Variants in GPR39 observed in about 807,000 individuals in gnomAD.
GPR39 encodes the protein zinc sensing receptor.
A neutral mutation model predicts 18.4 loss-of-function variants in GPR39; 23 were observed. The ratio of observed to expected loss-of-function variants is 1.25; its 90% CI spans 0.90 to 1.77. The LOEUF is 1.77. GPR39 is among the 40% of genes most tolerant of loss of function. GPR39 has a pLI of 0.00. For synonymous variants in GPR39, 280 were observed against 257.9 expected (o/e 1.09, Z -0.82); for missense variants, 647 against 602.4 (o/e 1.07, Z -0.78).
intron 1 of GPR39, among the ~76,000 whole-genome samples, chr2:132,429,013 T>C (rs1340651253): frequency 6.6e-6 from 1 of 152,200 alleles, no homozygotes; most frequent in African/African-American, 2.4e-5. Context: ...ATTGGGTCTG[T>C]TGTTCAAAGT....
chr2:132,471,943 A>G (rs1681040731), intron 1 of GPR39, among the ~76,000 whole-genome samples: 1 of 152,192 alleles, frequency 6.6e-6, no homozygotes. Flanking sequence ...TTCAGCAGGG[A>G]TAGACCAATG....
chr2:132,449,301 A>G (rs1573607458), intron 1 of GPR39, among the ~76,000 whole-genome samples: 2 of 152,118 alleles, frequency 1.3e-5, no homozygotes, highest in African/African-American at 4.8e-5. Flanking sequence ...AGGCTGGAGT[A>G]CAATGGCGCG....
chr2:132,445,461 TTTAA>T (rs542032652), intron 1 of GPR39, among the ~76,000 whole-genome samples: 197 of 152,322 alleles, frequency 1.3e-3, no homozygotes, highest in Middle Eastern at 3.4e-3. Flanking sequence ...TAATCAAAAG[TTTAA>T]TTAACACACA....
chr2:132,611,373 A>G (rs771820740), intron 1 of GPR39, among the ~76,000 whole-genome samples: 1 of 152,206 alleles, frequency 6.6e-6, no homozygotes, highest in Non-Finnish European at 1.5e-5. Context: ...AGAGTAACTT[A>G]GGTAAAGCAC....
intron 1 of GPR39, among the ~76,000 whole-genome samples, chr2:132,462,738 G>C (rs1464937516): frequency 6.6e-6 from 1 of 152,020 alleles, no homozygotes; most frequent in African/African-American, 2.4e-5. Flanking sequence ...GATGGCATTA[G>C]ACAAATCACT....
At chr2:132,461,988 A>G (rs1230382247) in intron 1 of GPR39, among the ~76,000 whole-genome samples, 3 of 152,202 alleles carry the variant, frequency 2.0e-5, no homozygotes, top group African/African-American at 4.8e-5. Flanking sequence ...TGAGGCCAAG[A>G]TGCAACGCAG....
In GPR39 at chr2:132,494,195, T is replaced by C. The variant is rs1388739774; in HGVS notation, c.856+76297T>C. Among the ~76,000 whole-genome samples the C allele has an allele frequency of 3.9e-5, 6 of 152,104 alleles. No homozygotes were observed. The East Asian group carries it at 1.2e-3, about 29-fold the overall frequency. Reference sequence around the variant, plus strand: ...TTGCCTTCCCTAAATCAGGGTTTGGTTTCACTGGCTAAACCAGGGGGACCT... The same window carrying C: ...TTGCCTTCCCTAAATCAGGGTTTGGCTTCACTGGCTAAACCAGGGGGACCT... On this transcript the variant is annotated intron_variant, in intron 1 of 1. Transcript: ENST00000329321.
At chr2:132,641,037 A>G (rs568502059) in intron 1 of GPR39, among the ~76,000 whole-genome samples, 5 of 152,278 alleles carry the variant, frequency 3.3e-5, no homozygotes, top group Non-Finnish European at 5.9e-5. Context: ...GAGCAAAACT[A>G]TCTTTCAAAA....
intron 1 of GPR39, among the ~76,000 whole-genome samples, chr2:132,429,274 C>T (rs1043486122): frequency 1.4e-4 from 21 of 152,172 alleles, no homozygotes; most frequent in Non-Finnish European, 2.5e-4. Context: ...CAAAAGAAAA[C>T]GCTCTGTAGT....
chr2:132,628,764 CGTGT>C lies in GPR39; in HGVS notation c.857-16324_857-16321del, dbSNP rs138130883. Reference sequence around the variant, plus strand: ...CCTAATAAAGTAGTACATAGTAATACGTGTGTGTGTGTGTGTTTGTGCAATCAAT... The same window carrying C: ...CCTAATAAAGTAGTACATAGTAATACGTGTGTGTGTGTTTGTGCAATCAAT... On this transcript the variant is annotated intron_variant, in intron 1 of 1. Transcript: ENST00000329321. Among the ~76,000 whole-genome samples the C allele has an allele frequency of 3.3e-5, 5 of 151,368 alleles. No individual in the cohort carries two copies. In the South Asian group the frequency reaches 1.0e-3, roughly 32 times the overall value.
chr2:132,594,106 A>C (rs896568833), intron 1 of GPR39, among the ~76,000 whole-genome samples: 5 of 152,148 alleles, frequency 3.3e-5, no homozygotes, highest in African/African-American at 1.2e-4. Flanking sequence ...CAATGTGAAC[A>C]ATCAGACAGT....
In GPR39 at chr2:132,536,628, A is replaced by G. The variant is rs529050327; in HGVS notation, c.857-108473A>G. 2.6e-5 allele frequency among the ~76,000 whole-genome samples: 4 copies of G among 152,106 alleles called. No individual in the cohort carries two copies. The South Asian group carries it at 8.3e-4, about 32-fold the overall frequency. On this transcript the variant is annotated intron_variant, in intron 1 of 1. Coordinates refer to ENST00000329321, the MANE Select transcript of GPR39 (RefSeq NM_001508.3). ...GTTCAAGTCCTGAATATCCTTGTTA[A>G]TTTTCTGTTTTGTTGATCTGTCTAA...
chr2:132,454,024 A>C (rs192443242), intron 1 of GPR39, among the ~76,000 whole-genome samples: 1 of 152,320 alleles, frequency 6.6e-6, no homozygotes, highest in East Asian at 1.9e-4. Context: ...GAAGAAAGTA[A>C]TAGGTAGCTT....
At chr2:132,494,148 A>G (rs922956906) in intron 1 of GPR39, among the ~76,000 whole-genome samples, 1 of 152,096 alleles carries the variant, frequency 6.6e-6, no homozygotes, top group Non-Finnish European at 1.5e-5. Context: ...GATGGGAGAC[A>G]AGATACAGGT....
intron 1 of GPR39, among the ~76,000 whole-genome samples, chr2:132,610,447 T>G (rs1416115243): frequency 6.6e-6 from 1 of 152,088 alleles, no homozygotes; most frequent in Non-Finnish European, 1.5e-5. Context: ...AAATGACAGA[T>G]TGGCAGGTGG....
intron 1 of GPR39, among the ~76,000 whole-genome samples, chr2:132,489,749 TA>T (rs950868957): frequency 6.6e-6 from 1 of 151,970 alleles, no homozygotes; most frequent in Non-Finnish European, 1.5e-5. Context: ...TGCAGTGCCC[TA>T]AAAAATGCCA....
chr2:132,522,254 A>G (rs1438653437), intron 1 of GPR39, among the ~76,000 whole-genome samples: 1 of 152,142 alleles, frequency 6.6e-6, no homozygotes, highest in Non-Finnish European at 1.5e-5. Context: ...TGTGCTTTCA[A>G]ACTCATAATT....
intron 1 of GPR39, among the ~76,000 whole-genome samples, chr2:132,475,971 A>G (rs186966266): frequency 4.1e-4 from 63 of 152,042 alleles, no homozygotes; most frequent in African/African-American, 1.4e-3. Context: ...ATCTCAATCA[A>G]CTGCAGGTGA....
chr2:132,550,041 G>A (rs750718759), intron 1 of GPR39, among the ~76,000 whole-genome samples: 49 of 152,052 alleles, frequency 3.2e-4, no homozygotes, highest in Non-Finnish European at 6.0e-4. Flanking sequence ...AAAGCCCACC[G>A]AATTATTCAG....
Sources: gnomAD v4.1 joint callset for allele counts (sites outside exome capture counted in the v4.1 genomes callset) on GRCh38, gnomAD v4.1.1 for gene constraint, MANE v1.5 for transcripts, NCBI Gene and HGNC (gene_info 2026-07-23, HGNC 2026-07-21) for gene names.